ALK: variants seen among roughly 807,000 people sequenced by gnomAD.
The protein encoded by ALK is ALK tyrosine kinase receptor.
ALK carries 74 observed loss-of-function variants against 163.1 expected under a neutral mutation model. That is an observed-to-expected ratio of 0.45 (90% CI 0.38 to 0.55). The LOEUF is 0.55. Ranked by LOEUF, ALK falls within the 20% of genes least tolerant of loss-of-function variation. The probability of loss-of-function intolerance (pLI) is 0.00; values close to 1 mark genes in which losing one functional copy is unlikely to be tolerated. For synonymous variants in ALK, 960 were observed against 843.2 expected, an observed-to-expected ratio of 1.14 and a Z score of -2.40; for missense variants, 2,063 against 2,105.3, an observed-to-expected ratio of 0.98 and a Z score of 0.39.
chr2:29,816,282 C>A (rs187954116), intron 1 of ALK, among the ~76,000 whole-genome samples: 1 of 152,266 alleles, frequency 6.6e-6, no homozygotes, highest in Non-Finnish European at 1.5e-5. Context: ...CTGGGTGGTT[C>A]TGAGCAAGCT....
At chr2:29,774,161 A>G (rs1012113737) in intron 1 of ALK, among the ~76,000 whole-genome samples, 5 of 152,204 alleles carry the variant, frequency 3.3e-5, no homozygotes, top group African/African-American at 1.2e-4. Context: ...ATGCTTAATT[A>G]GTGCTCATTA....
intron 1 of ALK, among the ~76,000 whole-genome samples, chr2:29,814,431 C>T (rs572212671): frequency 5.3e-5 from 8 of 151,848 alleles, no homozygotes; most frequent in East Asian, 2.0e-4. Context: ...GAGGCCGAGG[C>T]GGGCGGATCA....
chr2:29,226,957 C>G lies in ALK; in HGVS notation c.3032G>C (p.Gly1011Ala), dbSNP rs2148178394. The G allele has an allele frequency of 6.2e-7, 1 of 1,614,232 alleles. No individual in the cohort carries two copies. Among genetic ancestry groups the G allele is most frequent in the South Asian group, 1.1e-5 (1 of 91,082 alleles). The change falls in exon 18 of 29, where the codon GGG (glycine) becomes GCG (alanine). Residue 1011 changes from glycine to alanine, a missense_variant. Gly to Ala is a moderately conservative substitution (Grantham distance 60). Transcript: ENST00000389048. Reference protein sequence around the residue: ...SHKVICFCDHGTVLAEDGVSC... With the variant: ...SHKVICFCDHATVLAEDGVSC... ...GACGCCATCCTCAGCCAGCACCGTC[C>G]CGTGGTCACAGAAGCAGATGACCTT...
chr2:29,628,606 A>T (rs1349441941), intron 3 of ALK, among the ~76,000 whole-genome samples: 2 of 152,230 alleles, frequency 1.3e-5, no homozygotes, highest in Non-Finnish European at 2.9e-5. Flanking sequence ...GAGATGGTGT[A>T]CAGTTCTATT....
chr2:29,818,276 T>C (rs934797451), intron 1 of ALK, among the ~76,000 whole-genome samples: 13 of 152,216 alleles, frequency 8.5e-5, no homozygotes, highest in Non-Finnish European at 1.9e-4. Context: ...GTGTGTGTGT[T>C]TGAAGCAATT....
intron 1 of ALK, among the ~76,000 whole-genome samples, chr2:29,860,392 G>GAAAAAAAAAAA (rs61057760): frequency 1.8e-5 from 2 of 110,400 alleles, no homozygotes; most frequent in Non-Finnish European, 3.9e-5. Flanking sequence ...AGGAAAGGGA[G>GAAAAAAAAAAA]AAAAAAAAAA....
At chr2:29,718,857 G>A (rs1263685627) in intron 1 of ALK, among the ~76,000 whole-genome samples, 2 of 152,200 alleles carry the variant, frequency 1.3e-5, no homozygotes, top group Non-Finnish European at 2.9e-5. Flanking sequence ...GAGGAAAAGG[G>A]GGAGAAGAGG....
chr2:29,458,969 T>G (rs1671022282), intron 4 of ALK, among the ~76,000 whole-genome samples: 1 of 152,130 alleles, frequency 6.6e-6, no homozygotes, highest in Admixed American at 6.5e-5. Context: ...GGACCACACT[T>G]TTCCATTTTA....
chr2:29,890,443 T>C (rs2148424325), intron 1 of ALK: 1 of 152,364 alleles, frequency 6.6e-6, no homozygotes, highest in South Asian at 2.1e-4. Context: ...ATAGGCGTGA[T>C]ATTCTTTGCC....
chr2:29,873,690 C>A (rs993812315), intron 1 of ALK, among the ~76,000 whole-genome samples: 1 of 152,078 alleles, frequency 6.6e-6, no homozygotes, highest in Non-Finnish European at 1.5e-5. Context: ...CAGGAAGAAG[C>A]AGATGCCTCA....
chr2:29,688,519 C>T (rs1216788514), intron 3 of ALK, among the ~76,000 whole-genome samples: 1 of 152,102 alleles, frequency 6.6e-6, no homozygotes, highest in Non-Finnish European at 1.5e-5. Flanking sequence ...GGGCATACAA[C>T]AGAATAAAGT....
At chr2:29,365,341 T>C (rs1399427773) in intron 5 of ALK, among the ~76,000 whole-genome samples, 1 of 152,220 alleles carries the variant, frequency 6.6e-6, no homozygotes, top group East Asian at 1.9e-4. Context: ...AGATTTGTGA[T>C]GGTGCTTGAT....
At chr2:29,887,351 G>C (rs1172655602) in intron 1 of ALK, among the ~76,000 whole-genome samples, 2 of 152,134 alleles carry the variant, frequency 1.3e-5, no homozygotes, top group East Asian at 3.9e-4. Flanking sequence ...TGTCTTCATG[G>C]GTATCTCAGA....
chr2:29,361,641 C>G (rs1346592847), intron 5 of ALK, among the ~76,000 whole-genome samples: 1 of 152,142 alleles, frequency 6.6e-6, no homozygotes, highest in African/African-American at 2.4e-5. Context: ...AGTTGTAAGG[C>G]TGGGACAGGC....
intron 1 of ALK, among the ~76,000 whole-genome samples, chr2:29,825,201 T>C (rs370447851): frequency 3.9e-5 from 6 of 152,242 alleles, no homozygotes; most frequent in African/African-American, 1.4e-4. Flanking sequence ...TTAAACTTCT[T>C]TGTTTTGTAA....
At chr2:29,200,991 T>C (rs1391482116) in intron 26 of ALK, among the ~76,000 whole-genome samples, 2 of 151,766 alleles carry the variant, frequency 1.3e-5, no homozygotes, top group Non-Finnish European at 2.9e-5. Context: ...TCGATGAAGA[T>C]AATCTGATAA....
In ALK at chr2:29,826,537, A is replaced by T. The variant is rs140972513; in HGVS notation, c.667+93456T>A. Among the ~76,000 whole-genome samples, 37 of 152,086 alleles carry T rather than the reference A, an allele frequency of 2.4e-4. No homozygotes were observed. The East Asian group carries it at 7.0e-3, about 29-fold the overall frequency. On this transcript the variant is annotated intron_variant, in intron 1 of 28. Transcript: ENST00000389048. ...GTCAGGGTTTAGCATTCACATACTCAGTCAGTCTTATACAAGCCTCATGCA... is the reference window on the plus strand; with the variant it reads ...GTCAGGGTTTAGCATTCACATACTCTGTCAGTCTTATACAAGCCTCATGCA...
intron 4 of ALK, among the ~76,000 whole-genome samples, chr2:29,524,083 G>A (rs76656283): frequency 1.3e-5 from 2 of 152,018 alleles, no homozygotes; most frequent in African/African-American, 2.4e-5. Flanking sequence ...TCTTTTCATC[G>A]ATTGGAGACT....
At chr2:29,398,511 C>A (rs1193571993) in intron 4 of ALK, among the ~76,000 whole-genome samples, 2 of 152,134 alleles carry the variant, frequency 1.3e-5, no homozygotes, top group African/African-American at 4.8e-5. Context: ...GCTGGCAATG[C>A]AGTTTTCTTA....
Sources: allele counts gnomAD v4.1 joint callset (sites outside exome capture counted in the v4.1 genomes callset), GRCh38; gene constraint gnomAD v4.1.1; transcripts MANE v1.5; gene names NCBI Gene and HGNC (gene_info 2026-07-23, HGNC 2026-07-21).